Variants in CNTNAP2 observed in about 807,000 individuals in gnomAD.
CNTNAP2 encodes the protein contactin-associated protein-like 2.
Under a neutral mutation model 155.2 loss-of-function variants are expected in CNTNAP2, and 98 were observed. The observed-to-expected ratio is 0.63, with a 90% CI of 0.54 to 0.75. The LOEUF (loss-of-function observed/expected upper bound fraction) is 0.75, where lower values mean the gene tolerates loss of function less well. Ranked by LOEUF, CNTNAP2 falls within the 30% of genes least tolerant of loss-of-function variation. CNTNAP2 has a pLI of 0.00. For missense variants in CNTNAP2, 1,727 were observed against 1,688.1 expected, an observed-to-expected ratio of 1.02 and a Z score of -0.40; for synonymous variants, 651 against 631.2, an observed-to-expected ratio of 1.03 and a Z score of -0.47.
intron 9 of CNTNAP2, among the ~76,000 whole-genome samples, chr7:147,322,568 A>G (rs1274475144): frequency 6.6e-6 from 1 of 150,554 alleles, no homozygotes; most frequent in African/African-American, 2.4e-5. Flanking sequence ...CGGCTTTGGT[A>G]TCAGAATGAT....
intron 3 of CNTNAP2, among the ~76,000 whole-genome samples, chr7:146,977,287 C>T (rs1339731412): frequency 6.6e-6 from 1 of 151,928 alleles, no homozygotes; most frequent in East Asian, 1.9e-4. Context: ...CATATACACA[C>T]AGAATCAGAA....
chr7:146,874,009 C>T (rs892873490), intron 3 of CNTNAP2, among the ~76,000 whole-genome samples: 3 of 151,978 alleles, frequency 2.0e-5, no homozygotes, highest in African/African-American at 7.3e-5. Context: ...GCTAAAATGT[C>T]ACACATTTCA....
At chr7:147,738,647 T>G (rs1584930386) in intron 13 of CNTNAP2, among the ~76,000 whole-genome samples, 1 of 123,430 alleles carries the variant, frequency 8.1e-6, no homozygotes, top group Admixed American at 1.1e-4. Context: ...AATGTAAACA[T>G]AACTTTTTTT....
intron 3 of CNTNAP2, among the ~76,000 whole-genome samples, chr7:147,021,432 C>G (rs1351102963): frequency 6.6e-6 from 1 of 151,996 alleles, no homozygotes; most frequent in Non-Finnish European, 1.5e-5. Flanking sequence ...TGTTTTTTAG[C>G]CAGTTCTTTG....
chr7:147,914,421 T>C (rs1024432163), intron 14 of CNTNAP2, among the ~76,000 whole-genome samples: 11 of 151,310 alleles, frequency 7.3e-5, no homozygotes, highest in Admixed American at 6.6e-4. Flanking sequence ...ATACCTGTAA[T>C]CCCAGCCACT....
chr7:146,250,684 G>A (rs1029455596), intron 1 of CNTNAP2, among the ~76,000 whole-genome samples: 11 of 152,182 alleles, frequency 7.2e-5, no homozygotes, highest in African/African-American at 2.7e-4. Context: ...TATCCAGCAA[G>A]GCCTGCTGTG....
intron 1 of CNTNAP2, among the ~76,000 whole-genome samples, chr7:146,519,783 G>T (rs1299149929): frequency 6.6e-6 from 1 of 151,764 alleles, no homozygotes; most frequent in Non-Finnish European, 1.5e-5. Context: ...GCTGGCTTTT[G>T]AATAGTGCAT....
intron 11 of CNTNAP2, among the ~76,000 whole-genome samples, chr7:147,502,717 ATG>A (rs60449695): frequency 0.13 from 19,653 of 147,576 alleles, 1,396 homozygotes; most frequent in Non-Finnish European, 0.17. Context: ...TCATTTCACA[ATG>A]TGTGTGTGTG....
intron 1 of CNTNAP2, among the ~76,000 whole-genome samples, chr7:146,664,624 C>A (rs1000122020): frequency 6.6e-6 from 1 of 152,084 alleles, no homozygotes; most frequent in Admixed American, 6.5e-5. Flanking sequence ...AACATAATTT[C>A]TCCACAAGGT....
intron 11 of CNTNAP2, among the ~76,000 whole-genome samples, chr7:147,493,896 G>T (rs1005375617): frequency 1.3e-5 from 2 of 152,124 alleles, no homozygotes; most frequent in African/African-American, 4.8e-5. Flanking sequence ...ATATGGACAG[G>T]GAGAAATCAG....
chr7:146,137,566 T>C (rs1195201905), intron 1 of CNTNAP2, among the ~76,000 whole-genome samples: 2 of 152,218 alleles, frequency 1.3e-5, no homozygotes, highest in African/African-American at 4.8e-5. Context: ...TATTTACAAA[T>C]TATAATTAAA....
At chr7:147,056,635 G>A (rs1315272500) in intron 4 of CNTNAP2, among the ~76,000 whole-genome samples, 1 of 152,172 alleles carries the variant, frequency 6.6e-6, no homozygotes, top group Non-Finnish European at 1.5e-5. Context: ...TAATGCTAAA[G>A]TTAACGAACA....
chr7:147,885,934 C>A (rs1419172146), intron 13 of CNTNAP2, among the ~76,000 whole-genome samples: 2 of 152,160 alleles, frequency 1.3e-5, no homozygotes. Context: ...TGGCTTAACA[C>A]AAATAGGGAA....
chr7:148,212,452 T>C (rs1795567612), intron 18 of CNTNAP2, among the ~76,000 whole-genome samples: 1 of 152,162 alleles, frequency 6.6e-6, no homozygotes, highest in Admixed American at 6.5e-5. Flanking sequence ...TCATAGAATA[T>C]CTAAATACAG....
At chr7:146,973,834 G>C (rs926333634) in intron 3 of CNTNAP2, among the ~76,000 whole-genome samples, 1 of 152,088 alleles carries the variant, frequency 6.6e-6, no homozygotes, top group Non-Finnish European at 1.5e-5. Flanking sequence ...GGATTTCCAA[G>C]GTGATCCCCC....
chr7:146,264,535 ATTC>A (rs1294264107), intron 1 of CNTNAP2, among the ~76,000 whole-genome samples: 4 of 152,154 alleles, frequency 2.6e-5, no homozygotes, highest in Admixed American at 6.5e-5. Flanking sequence ...TGTTTTTATT[ATTC>A]TTTCCATTAG....
chr7:147,851,722 G>A (rs180843637), intron 13 of CNTNAP2, among the ~76,000 whole-genome samples: 157 of 145,172 alleles, frequency 1.1e-3, no homozygotes, highest in African/African-American at 3.8e-3. Flanking sequence ...AGAACACTTG[G>A]ACACAGGAAG....
chr7:148,409,966 G>T (rs373159919), intron 23 of CNTNAP2, among the ~76,000 whole-genome samples: 1 of 88,356 alleles, frequency 1.1e-5, no homozygotes, highest in Non-Finnish European at 2.4e-5. Flanking sequence ...CAGGAGAATG[G>T]CGTGAACCTG....
chr7:147,158,871 A>G (rs201403505), intron 8 of CNTNAP2, among the ~76,000 whole-genome samples: 2 of 152,162 alleles, frequency 1.3e-5, no homozygotes, highest in South Asian at 4.1e-4. Flanking sequence ...TATTCTCTAA[A>G]GGAGAAAACA....
Sources: allele counts gnomAD v4.1 joint callset (sites outside exome capture counted in the v4.1 genomes callset), GRCh38; gene constraint gnomAD v4.1.1; transcripts MANE v1.5; gene names NCBI Gene and HGNC (gene_info 2026-07-23, HGNC 2026-07-21).